The following CISTR variants were observed in gnomAD, a reference collection of about 807,000 sequenced individuals.
CISTR encodes chondrogenesis-associated transcript.
At chr12:53,754,021 G>A (rs1332182684) in intron 1 of CISTR, among the ~76,000 whole-genome samples, 2 of 152,010 alleles carry the variant, frequency 1.3e-5, no homozygotes. Context: ...GTGAACCATG[G>A]CTAGGTGGAG....
chr12:53,750,004 A>G (rs895405542), intron 2 of CISTR, among the ~76,000 whole-genome samples: 15 of 152,212 alleles, frequency 9.9e-5, no homozygotes, highest in Admixed American at 2.0e-4. Flanking sequence ...AAAACTGGGC[A>G]GTAATGTTCC....
intron 1 of CISTR, among the ~76,000 whole-genome samples, chr12:53,752,667 G>A (rs1809005): frequency 0.62 from 93,904 of 152,032 alleles, 30,418 homozygotes; most frequent in East Asian, 0.87. Context: ...GAAAAACCAA[G>A]GTCACAGACT....
chr12:53,751,173 CACAGG>C lies in CISTR; in HGVS notation n.415-213_415-209del, dbSNP rs1180008878. On this transcript the variant is annotated intron_variant and non_coding_transcript_variant, in intron 1 of 2. Coordinates refer to ENST00000669269, the Ensembl canonical transcript of CISTR. The surrounding 1 kb of genome is among the most constrained non-coding windows in gnomAD (Gnocchi z 4.6). ...CTCCTGGCCCACAGGCCTCCGCACG[CACAGG>C]ACACACACACACACTCTCTCCTGGC... Among the ~76,000 whole-genome samples the C allele has an allele frequency of 1.3e-5, 2 of 152,064 alleles. No individual in the cohort carries two copies. The highest frequency in any genetic ancestry group is 2.9e-5 in the Non-Finnish European group (2 of 67,978).
Position 53,756,443 on chromosome 12 carries a change from A to G in CISTR, n.414+371T>C, listed in dbSNP as rs1037291429. Among the ~76,000 whole-genome samples the G allele has an allele frequency of 4.6e-5, 7 of 152,092 alleles. No individual in the cohort carries two copies. Among genetic ancestry groups the G allele is most frequent in the African/African-American group, 1.7e-4 (7 of 41,392 alleles). Reference sequence around the variant, plus strand: ...AGGTTTTATTTTATTTTAAATAGAGATGGGGGTCTTGCTATGTTGCTCAGG... The same window carrying G: ...AGGTTTTATTTTATTTTAAATAGAGGTGGGGGTCTTGCTATGTTGCTCAGG... On this transcript the variant is annotated intron_variant and non_coding_transcript_variant, in intron 1 of 2. Coordinates refer to ENST00000669269, the Ensembl canonical transcript of CISTR. This position sits in a 1 kb window ranked among gnomAD's most constrained non-coding sequence, Gnocchi z 4.0.
At position 53,752,000 on chromosome 12, in the gene CISTR, T is replaced by G. The variant is rs1007847736; in HGVS notation, n.415-1035A>C. The stretch of plus-strand genomic sequence containing the variant: ...TCTCTCCCTCCCCCTCTCCCCGTGG[T>G]TGTCAGACTTTCTCCTGGACTTTCT... On this transcript the variant is annotated intron_variant and non_coding_transcript_variant, in intron 1 of 2. Transcript: ENST00000669269. The surrounding 1 kb of genome is among the most constrained non-coding windows in gnomAD (Gnocchi z 4.6). 3.3e-5 allele frequency among the ~76,000 whole-genome samples: 5 copies of G among 151,770 alleles called. No individual in the cohort carries two copies. Among genetic ancestry groups the G allele is most frequent in the African/African-American group, 9.7e-5 (4 of 41,308 alleles).
intron 2 of CISTR, among the ~76,000 whole-genome samples, chr12:53,749,485 T>C (rs1034255055): frequency 6.6e-6 from 1 of 151,932 alleles, no homozygotes; most frequent in Admixed American, 6.5e-5. Flanking sequence ...CCCAGCATCA[T>C]GTTTACCTGA....
At chr12:53,754,784 A>G (rs753251112) in intron 1 of CISTR, among the ~76,000 whole-genome samples, 3 of 151,898 alleles carry the variant, frequency 2.0e-5, no homozygotes, top group Non-Finnish European at 4.4e-5. Flanking sequence ...CTTCCCTCTG[A>G]TCTTGCTTCA....
At chr12:53,753,977 C>T (rs1418046753) in intron 1 of CISTR, among the ~76,000 whole-genome samples, 2 of 112,362 alleles carry the variant, frequency 1.8e-5, no homozygotes, top group Admixed American at 8.4e-5. Flanking sequence ...CCTCGTGGGG[C>T]GTGAAGATGA....
chr12:53,750,225 C>A (rs1040258015), intron 2 of CISTR, among the ~76,000 whole-genome samples: 2 of 152,172 alleles, frequency 1.3e-5, no homozygotes, highest in Non-Finnish European at 2.9e-5. Context: ...GTTAGTTCAT[C>A]AGGGAAGGCT....
intron 1 of CISTR, among the ~76,000 whole-genome samples, chr12:53,754,154 C>A (rs1364587108): frequency 6.6e-6 from 1 of 152,102 alleles, no homozygotes; most frequent in East Asian, 1.9e-4. Context: ...AGACCTCTTT[C>A]CTGGCTATCT....
Position 53,751,748 on chromosome 12 carries a change from T to C in CISTR, n.415-783A>G, listed in dbSNP as rs1286349239. 2 of 152,224 alleles carry C rather than the reference T, an allele frequency of 1.3e-5. No individual in the cohort carries two copies. The highest frequency in any genetic ancestry group is 1.9e-4 in the East Asian group (1 of 5,146). 9.4% of individuals were successfully genotyped at this position (152,224 alleles called of 1,614,324 possible). A position where few individuals can be genotyped will look rare whatever the true frequency, so the allele number is the denominator to read the frequency against. ...TTCCCGCCCGCCCGGGGCCGCGGCT[T>C]CCGCATTTCTGCACCATCCACCTGC... On this transcript the variant is annotated intron_variant and non_coding_transcript_variant, in intron 1 of 2. Coordinates refer to ENST00000669269, the Ensembl canonical transcript of CISTR. This position sits in a 1 kb window ranked among gnomAD's most constrained non-coding sequence, Gnocchi z 4.6.
chr12:53,754,647 T>C (rs1208328000), intron 1 of CISTR: 2 of 152,224 alleles, frequency 1.3e-5, no homozygotes, highest in African/African-American at 4.8e-5. Flanking sequence ...TCTAAGTTTA[T>C]TAGGCTTTAA....
At chr12:53,755,059 C>A (rs1421559043) in intron 1 of CISTR, among the ~76,000 whole-genome samples, 1 of 152,280 alleles carries the variant, frequency 6.6e-6, no homozygotes, top group Admixed American at 6.5e-5. Context: ...AGAGGGAGGG[C>A]TTGGAGAGAA....
chr12:53,752,968 T>G (rs1356728120), intron 1 of CISTR, among the ~76,000 whole-genome samples: 2 of 150,366 alleles, frequency 1.3e-5, no homozygotes, highest in African/African-American at 2.5e-5. Flanking sequence ...GATCTAGGAG[T>G]CCAGCTCCCC....
chr12:53,751,289 C>T lies in CISTR; in HGVS notation n.415-324G>A, dbSNP rs2120735215. On this transcript the variant is annotated intron_variant and non_coding_transcript_variant, in intron 1 of 2. Coordinates refer to ENST00000669269, the Ensembl canonical transcript of CISTR. The surrounding 1 kb of genome is among the most constrained non-coding windows in gnomAD (Gnocchi z 4.6). The stretch of plus-strand genomic sequence containing the variant: ...TGCAGGGGTTGGGGGCGCTGGGGCT[C>T]GGGGCGCTCACTCGGACCTCGGAGC... Among the ~76,000 whole-genome samples, 1 of 152,228 alleles carries T rather than the reference C, an allele frequency of 6.6e-6. No individual in the cohort carries two copies. Among genetic ancestry groups the T allele is most frequent in the East Asian group, 1.9e-4 (1 of 5,140 alleles).
chr12:53,755,448 T>G (rs1565660025), intron 1 of CISTR, among the ~76,000 whole-genome samples: 1 of 152,188 alleles, frequency 6.6e-6, no homozygotes, highest in African/African-American at 2.4e-5. Flanking sequence ...ACATTTCTTT[T>G]GCTGACAGTA....
At chr12:53,748,402 G>C (rs930246114) in intron 2 of CISTR, among the ~76,000 whole-genome samples, 4 of 152,174 alleles carry the variant, frequency 2.6e-5, no homozygotes, top group African/African-American at 9.7e-5. Flanking sequence ...GTAAATTGAA[G>C]CCAAGATGGA....
At chr12:53,750,154 C>T (rs149255117) in intron 2 of CISTR, among the ~76,000 whole-genome samples, 2 of 152,326 alleles carry the variant, frequency 1.3e-5, no homozygotes, top group African/African-American at 4.8e-5. Flanking sequence ...ACCCCGTTGA[C>T]ATTCACCACA....
chr12:53,755,474 T>A (rs958139262), intron 1 of CISTR, among the ~76,000 whole-genome samples: 1 of 152,230 alleles, frequency 6.6e-6, no homozygotes, highest in Non-Finnish European at 1.5e-5. Flanking sequence ...ACCTCTTTAG[T>A]GGAGGTATTA....
Sources: gnomAD v4.1 joint callset for allele counts (sites outside exome capture counted in the v4.1 genomes callset) on GRCh38, gnomAD v4.1.1 for gene constraint, Gnocchi (gnomAD v3.1) non-coding constraint, MANE v1.5 for transcripts, NCBI Gene and HGNC (gene_info 2026-07-23, HGNC 2026-07-21) for gene names.